The following CELF2 variants were observed in gnomAD, a reference collection of about 807,000 sequenced individuals.
The protein encoded by CELF2 is CUG triplet repeat RNA-binding protein 2.
In CELF2, 8 loss-of-function variants were observed where a neutral mutation model predicts 62.6. The observed-to-expected ratio is 0.13, with a 90% CI of 0.07 to 0.23. CELF2 has a LOEUF of 0.23. CELF2 is among the 10% of genes least tolerant of loss of function. The probability of loss-of-function intolerance (pLI) is 1.00; values close to 1 mark genes in which losing one functional copy is unlikely to be tolerated. For missense variants in CELF2, 333 were observed against 671.0 expected, an observed-to-expected ratio of 0.50 and a Z score of 5.56; for synonymous variants, 258 against 250.0, an observed-to-expected ratio of 1.03 and a Z score of -0.30.
At chr10:11,153,916 C>T (rs1239673720) in intron 1 of CELF2, among the ~76,000 whole-genome samples, 2 of 152,130 alleles carry the variant, frequency 1.3e-5, no homozygotes, top group Non-Finnish European at 2.9e-5. Flanking sequence ...GTTGCTGCCT[C>T]AAAGCAAAGA....
chr10:10,939,967 A>G (rs956064036), intron 2 of CELF2, among the ~76,000 whole-genome samples: 1 of 152,168 alleles, frequency 6.6e-6, no homozygotes, highest in Non-Finnish European at 1.5e-5. Context: ...AAATAAAGAA[A>G]AAGAAAAGCC....
At chr10:11,287,302 G>T (rs779618029) in intron 8 of CELF2, among the ~76,000 whole-genome samples, 2 of 152,088 alleles carry the variant, frequency 1.3e-5, no homozygotes, top group Non-Finnish European at 2.9e-5. Flanking sequence ...TCTCACATGT[G>T]CAGTCTTCTG....
At position 11,230,232 on chromosome 10, in the gene CELF2, G is replaced by A. The variant is rs529810306; in HGVS notation, c.354+12725G>A. Among the ~76,000 whole-genome samples the A allele has an allele frequency of 9.5e-4, 144 of 152,338 alleles. 1 individual carries two copies. Among genetic ancestry groups the A allele is most frequent in the Non-Finnish European group, 1.8e-3 (125 of 68,038 alleles). ...TGTGAGGTGACAGATACGTTAACTA[G>A]CTTGATTGTGATCATCATTTCACAG... On this transcript the variant is annotated intron_variant, in intron 3 of 12. Coordinates refer to ENST00000633077, the MANE Select transcript of CELF2 (RefSeq NM_001326342.2).
intron 1 of CELF2, among the ~76,000 whole-genome samples, chr10:11,059,604 G>C (rs2066213625): frequency 6.6e-6 from 1 of 152,194 alleles, no homozygotes; most frequent in African/African-American, 2.4e-5. Context: ...TGAAGGAGAA[G>C]GCTTGGAGTC....
At position 11,315,838 on chromosome 10, in the gene CELF2, C is replaced by T. The variant is rs1006829756; in HGVS notation, c.1096+1580C>T. ...CCTTGTCCTTCACCTAGGTCGAGGACGCGTGTGCTCGCACACATCCCCTCA... is the reference window on the plus strand; with the variant it reads ...CCTTGTCCTTCACCTAGGTCGAGGATGCGTGTGCTCGCACACATCCCCTCA... On this transcript the variant is annotated intron_variant, in intron 10 of 12. Coordinates refer to ENST00000633077, the MANE Select transcript of CELF2 (RefSeq NM_001326342.2). This position sits in a 1 kb window ranked among gnomAD's most constrained non-coding sequence, Gnocchi z 5.8. 1.3e-5 allele frequency among the ~76,000 whole-genome samples: 2 copies of T among 152,216 alleles called. No individual in the cohort carries two copies. Among genetic ancestry groups the T allele is most frequent in the Admixed American group, 6.5e-5 (1 of 15,284 alleles).
the CELF2 span, among the ~76,000 whole-genome samples, chr10:10,631,241 G>A: frequency 1.3e-5 from 2 of 152,088 alleles, no homozygotes; most frequent in African/African-American, 4.8e-5. Flanking sequence ...CCAAACTCAC[G>A]GTGAGTCTGA....
Position 11,165,841 on chromosome 10 carries a change from T to C in CELF2, c.271+159T>C, listed in dbSNP as rs2066942750. Among the ~76,000 whole-genome samples the C allele has an allele frequency of 6.6e-6, 1 of 151,536 alleles. No individual in the cohort carries two copies. The highest frequency in any genetic ancestry group is 2.4e-5 in the African/African-American group (1 of 41,196). ...CTGTGCTCCAGGGGCTGCTCCCGAC[T>C]CCTCCCCGCACCCCCGCCCGCCTGC... On this transcript the variant is annotated intron_variant, in intron 2 of 12. Transcript: ENST00000633077. This position sits in a 1 kb window ranked among gnomAD's most constrained non-coding sequence, Gnocchi z 7.4.
At chr10:10,568,310 G>GAA in the CELF2 span, among the ~76,000 whole-genome samples, 1 of 148,156 alleles carries the variant, frequency 6.7e-6, no homozygotes, top group Admixed American at 6.7e-5. Flanking sequence ...TGAGTCCGGA[G>GAA]AAAAAAAAAA....
the CELF2 span, among the ~76,000 whole-genome samples, chr10:10,509,306 A>C: frequency 6.6e-6 from 1 of 152,118 alleles, no homozygotes; most frequent in Admixed American, 6.5e-5. Flanking sequence ...GTGTTTCCCC[A>C]CAATATTTAT....
At chr10:11,256,317 T>C (rs903365006) in intron 4 of CELF2, among the ~76,000 whole-genome samples, 6 of 152,138 alleles carry the variant, frequency 3.9e-5, no homozygotes, top group Admixed American at 6.5e-5. Flanking sequence ...CCCAGCCCCT[T>C]CTCAGCACAG....
At chr10:10,513,574 T>C in the CELF2 span, among the ~76,000 whole-genome samples, 1 of 151,960 alleles carries the variant, frequency 6.6e-6, no homozygotes, top group East Asian at 1.9e-4. Context: ...CCTCATTTTA[T>C]CCCAGGGCTT....
rs902085152 is a variant in CELF2 at position 11,267,454 on chromosome 10, C to T, written c.618+777C>T. Among the ~76,000 whole-genome samples, 1 of 152,098 alleles carries T rather than the reference C, an allele frequency of 6.6e-6. No homozygotes were observed. Among genetic ancestry groups the T allele is most frequent in the African/African-American group, 2.4e-5 (1 of 41,416 alleles). ...TTCCAAGAGTGATATGCCGTTACTTCTTCTGTATTGTCTGATAGAATCATT... is the reference window on the plus strand; with the variant it reads ...TTCCAAGAGTGATATGCCGTTACTTTTTCTGTATTGTCTGATAGAATCATT... On this transcript the variant is annotated intron_variant, in intron 6 of 12. Coordinates refer to ENST00000633077, the MANE Select transcript of CELF2 (RefSeq NM_001326342.2). The surrounding 1 kb of genome is among the most constrained non-coding windows in gnomAD (Gnocchi z 4.4).
intron 8 of CELF2, among the ~76,000 whole-genome samples, chr10:11,284,883 G>GAT (rs2090653455): frequency 6.6e-6 from 1 of 151,052 alleles, no homozygotes; most frequent in East Asian, 2.0e-4. Context: ...TAGTTGGGTA[G>GAT]ATGTGTGGGT....
chr10:11,100,932 T>C (rs1250854346), intron 1 of CELF2, among the ~76,000 whole-genome samples: 1 of 152,218 alleles, frequency 6.6e-6, no homozygotes, highest in Non-Finnish European at 1.5e-5. Context: ...TGGCAGCACG[T>C]TGAAACACCA....
rs2083388462 is a variant in CELF2 at position 11,270,323 on chromosome 10, A to T, written c.619-343A>T. ...GTCTGTCTTTAAGACGAGCAGCCTG[A>T]GAAGCTCAATTAAAGAACCTTGGTA... On this transcript the variant is annotated intron_variant, in intron 6 of 12. Coordinates refer to ENST00000633077, the MANE Select transcript of CELF2 (RefSeq NM_001326342.2). The surrounding 1 kb of genome is among the most constrained non-coding windows in gnomAD (Gnocchi z 5.8). Among the ~76,000 whole-genome samples the T allele has an allele frequency of 6.6e-6, 1 of 152,214 alleles. No individual in the cohort carries two copies. Among genetic ancestry groups the T allele is most frequent in the African/African-American group, 2.4e-5 (1 of 41,452 alleles).
At chr10:10,849,842 T>TAA (rs34346996) in intron 1 of CELF2, among the ~76,000 whole-genome samples, 8,651 of 148,550 alleles carry the variant, frequency 0.058, 403 homozygotes, top group East Asian at 0.21. Flanking sequence ...GCAATTGCTT[T>TAA]AAAAAAAAAA....
chr10:10,863,009 T>G (rs1170143535), intron 1 of CELF2, among the ~76,000 whole-genome samples: 2 of 152,168 alleles, frequency 1.3e-5, no homozygotes, highest in African/African-American at 4.8e-5. Context: ...CTACATAGAC[T>G]TCACATTTCC....
At position 11,237,709 on chromosome 10, in the gene CELF2, C is replaced by T. The variant is rs1321540574; in HGVS notation, c.355-11444C>T. Among the ~76,000 whole-genome samples, 1 of 151,990 alleles carries T rather than the reference C, an allele frequency of 6.6e-6. No homozygotes were observed. The highest frequency in any genetic ancestry group is 2.4e-5 in the African/African-American group (1 of 41,346). On this transcript the variant is annotated intron_variant, in intron 3 of 12. Coordinates refer to ENST00000633077, the MANE Select transcript of CELF2 (RefSeq NM_001326342.2). This position sits in a 1 kb window ranked among gnomAD's most constrained non-coding sequence, Gnocchi z 4.0. Reference sequence around the variant, plus strand: ...GTTCCCAAGATGTCGAGAACTGAGTCACAGTGAGCCCCACCTGACAACAGC... The same window carrying T: ...GTTCCCAAGATGTCGAGAACTGAGTTACAGTGAGCCCCACCTGACAACAGC...
In CELF2 at chr10:11,244,045, G is replaced by A. The variant is rs1012046926; in HGVS notation, c.355-5108G>A. 6.6e-6 allele frequency among the ~76,000 whole-genome samples: 1 copy of A among 152,214 alleles called. No individual in the cohort carries two copies. The highest frequency in any genetic ancestry group is 1.5e-5 in the Non-Finnish European group (1 of 68,032). Reference sequence around the variant, plus strand: ...GCTGTCTACTGGGACCTGCAGGCATGTGCAGGGCACAGCATGAGATCCTGC... The same window carrying A: ...GCTGTCTACTGGGACCTGCAGGCATATGCAGGGCACAGCATGAGATCCTGC... On this transcript the variant is annotated intron_variant, in intron 3 of 12. Transcript: ENST00000633077. The surrounding 1 kb of genome is among the most constrained non-coding windows in gnomAD (Gnocchi z 4.2).
Sources: allele counts gnomAD v4.1 joint callset (sites outside exome capture counted in the v4.1 genomes callset), GRCh38; gene constraint gnomAD v4.1.1; non-coding constraint Gnocchi (gnomAD v3.1); transcripts MANE v1.5; gene names NCBI Gene and HGNC (gene_info 2026-07-23, HGNC 2026-07-21).